Variants in FAT4 observed in about 807,000 individuals in gnomAD.
FAT4 encodes FAT atypical cadherin 4.
A neutral mutation model predicts 303.9 loss-of-function variants in FAT4; 84 were observed. That is an observed-to-expected ratio of 0.28 (90% CI 0.23 to 0.33). The LOEUF is 0.33. Among genes scored for constraint, FAT4 ranks in the 10% least tolerant of loss-of-function variants. The pLI is 1.00. For synonymous variants in FAT4, 2,307 were observed against 2,298.8 expected (o/e 1.00, Z -0.10); for missense variants, 6,005 against 6,146.8 (o/e 0.98, Z 0.77).
chr4:125,381,281 C>A (rs1425128155), intron 2 of FAT4, among the ~76,000 whole-genome samples: 1 of 152,128 alleles, frequency 6.6e-6, no homozygotes, highest in Non-Finnish European at 1.5e-5. Context: ...CTTTTCTAAG[C>A]CCATAGGCTG....
chr4:125,449,674 G>A lies in FAT4; in HGVS notation c.8664G>A (p.Glu2888=), dbSNP rs1363895660. The change falls in exon 10 of 18, where the codon GAG becomes GAA. Residue 2888 remains glutamate (E), a synonymous_variant. Transcript: ENST00000394329. ...ATTTAGATTGCCCTGAACTTACTGA[G>A]ATTGGCTCCAAAGTAACTCAGGTAT... ...SYYLDCPELT[E]IGSKVTQVFA... The A allele has an allele frequency of 6.2e-7, 1 of 1,613,816 alleles. No individual in the cohort carries two copies. Among genetic ancestry groups the A allele is most frequent in the Non-Finnish European group, 8.5e-7 (1 of 1,179,934 alleles).
At chr4:125,332,844 A>G (rs904017361) in intron 2 of FAT4, among the ~76,000 whole-genome samples, 7 of 152,150 alleles carry the variant, frequency 4.6e-5, no homozygotes, top group Non-Finnish European at 1.0e-4. Context: ...CTAATGATTA[A>G]AACGTTTTCC....
At position 125,319,664 on chromosome 4, in the gene FAT4, A is replaced by G. The variant is rs920179477; in HGVS notation, c.3253A>G (p.Asn1085Asp). 1.1e-5 allele frequency: 17 copies of G among 1,613,926 alleles called. No individual in the cohort carries two copies. Among genetic ancestry groups the G allele is most frequent in the Non-Finnish European group, 1.4e-5 (16 of 1,179,910 alleles). Residue 1085 changes from asparagine (N) to aspartate (D), a missense_variant, in exon 2 of 18, where the codon AAT (asparagine) becomes GAT (aspartate). Physicochemically the swap from Asn to Asp is conservative, Grantham distance 23. Coordinates refer to ENST00000394329, the MANE Select transcript of FAT4 (RefSeq NM_001291303.3). ...AGTGGAACCCCTTAGTGCTACTGTG[A>G]ATGTTACTGTAATTTTAGAAGATGT... is the stretch of plus-strand genomic sequence containing the variant. ...RAVEPLSATV[N>D]VTVILEDVND...
chr4:125,379,351 G>C (rs375257750), intron 2 of FAT4, among the ~76,000 whole-genome samples: 1 of 150,814 alleles, frequency 6.6e-6, no homozygotes, highest in South Asian at 2.1e-4. Context: ...GTCTTTTATT[G>C]TAACACATTT....
At chr4:125,344,224 A>G (rs1284640936) in intron 2 of FAT4, among the ~76,000 whole-genome samples, 2 of 152,162 alleles carry the variant, frequency 1.3e-5, no homozygotes, top group African/African-American at 2.4e-5. Flanking sequence ...GTATTCTACT[A>G]TATTCTACTC....
intron 2 of FAT4, among the ~76,000 whole-genome samples, chr4:125,353,826 T>C (rs1732325325): frequency 6.6e-6 from 1 of 151,626 alleles, no homozygotes; most frequent in Admixed American, 6.6e-5. Flanking sequence ...CTAAGTAAAA[T>C]ATGTTTTGGT....
chr4:125,484,903 A>T (rs574150335), intron 16 of FAT4, among the ~76,000 whole-genome samples: 1 of 152,116 alleles, frequency 6.6e-6, no homozygotes, highest in African/African-American at 2.4e-5. Flanking sequence ...CCCAGGCTGG[A>T]GTGCAGTGGC....
intron 10 of FAT4, among the ~76,000 whole-genome samples, chr4:125,459,674 A>G (rs1380598504): frequency 6.6e-6 from 1 of 152,052 alleles, no homozygotes; most frequent in Non-Finnish European, 1.5e-5. Flanking sequence ...TTCAAGAGGA[A>G]TAAATGCCTG....
At chr4:125,456,030 G>C (rs1407552634) in intron 10 of FAT4, among the ~76,000 whole-genome samples, 1 of 152,176 alleles carries the variant, frequency 6.6e-6, no homozygotes, top group African/African-American at 2.4e-5. Context: ...CAAGTGATCT[G>C]AGGAGAATGG....
chr4:125,396,967 A>AGAT (rs1337953709), intron 2 of FAT4, among the ~76,000 whole-genome samples: 3 of 125,442 alleles, frequency 2.4e-5, no homozygotes, highest in Middle Eastern at 4.1e-3. Context: ...TATATATATA[A>AGAT]AATATGTATG....
rs2126093199 is a variant in FAT4 at position 125,487,580 on chromosome 4, A to G, written c.13058A>G (p.Asn4353Ser). The change falls in exon 17 of 18, where the codon AAT becomes AGT. Residue 4353 changes from asparagine to serine, a missense_variant. Physicochemically the swap from Asn to Ser is conservative, Grantham distance 46 (BLOSUM62 1). Transcript: ENST00000394329. ...LTISLGGIPP[N>S]QAHRDAQTAG... ...ATATCACTTGGAGGAATTCCACCCA[A>G]TCAAGCACATCGAGATGCCCAAACA... 1.9e-6 allele frequency: 3 copies of G among 1,611,556 alleles called. No homozygotes were observed. Among genetic ancestry groups the G allele is most frequent in the African/African-American group, 2.7e-5 (2 of 75,006 alleles).
intron 2 of FAT4, among the ~76,000 whole-genome samples, chr4:125,386,982 G>A (rs1040265401): frequency 2.0e-5 from 3 of 152,122 alleles, no homozygotes; most frequent in African/African-American, 7.2e-5. Flanking sequence ...TTCTCATAAA[G>A]AGCGTGCAAC....
At chr4:125,393,459 G>T (rs1395578046) in intron 2 of FAT4, among the ~76,000 whole-genome samples, 2 of 151,988 alleles carry the variant, frequency 1.3e-5, no homozygotes, top group Non-Finnish European at 2.9e-5. Context: ...ATATATAATG[G>T]TTTGATATTA....
At chr4:125,437,136 T>C (rs1725482317) in intron 8 of FAT4, among the ~76,000 whole-genome samples, 1 of 152,112 alleles carries the variant, frequency 6.6e-6, no homozygotes, top group African/African-American at 2.4e-5. Flanking sequence ...ATTACAGGCA[T>C]GAGCCACCAT....
intron 7 of FAT4, among the ~76,000 whole-genome samples, chr4:125,431,822 T>G (rs1725292793): frequency 1.3e-5 from 2 of 151,564 alleles, no homozygotes. Context: ...CACCTCCTTT[T>G]GCTCACACAA....
intron 2 of FAT4, among the ~76,000 whole-genome samples, chr4:125,340,868 A>G (rs968180646): frequency 1.3e-5 from 2 of 152,186 alleles, no homozygotes; most frequent in South Asian, 2.1e-4. Flanking sequence ...TGCTACTCAA[A>G]CACATTACAA....
At chr4:125,354,752 G>GAAGAA (rs1553962431) in intron 2 of FAT4, among the ~76,000 whole-genome samples, 1 of 135,224 alleles carries the variant, frequency 7.4e-6, no homozygotes, top group African/African-American at 2.7e-5. Context: ...AGAGTTTAAT[G>GAAGAA]AAAAAAAAAA....
At chr4:125,456,760 T>A (rs1451448881) in intron 10 of FAT4, among the ~76,000 whole-genome samples, 1 of 152,146 alleles carries the variant, frequency 6.6e-6, no homozygotes, top group East Asian at 1.9e-4. Context: ...TACCAAAACA[T>A]CTTAACATCT....
At chr4:125,335,224 CTTTG>C (rs1322043913) in intron 2 of FAT4, among the ~76,000 whole-genome samples, 3 of 152,010 alleles carry the variant, frequency 2.0e-5, no homozygotes, top group Admixed American at 6.6e-5. Flanking sequence ...GCAGTTTTCT[CTTTG>C]TTTGTCAGTA....
Sources: gnomAD v4.1 joint callset for allele counts (sites outside exome capture counted in the v4.1 genomes callset) on GRCh38, gnomAD v4.1.1 for gene constraint, MANE v1.5 for transcripts, NCBI Gene and HGNC (gene_info 2026-07-23, HGNC 2026-07-21) for gene names.